GPC5: variants seen among roughly 807,000 people sequenced by gnomAD.
The protein encoded by GPC5 is glypican-5.
A neutral mutation model predicts 53.9 loss-of-function variants in GPC5; 47 were observed. The ratio of observed to expected loss-of-function variants is 0.87; its 90% CI spans 0.69 to 1.11. The LOEUF is 1.11. GPC5 is among the 50% of genes most tolerant of loss of function. The probability of loss-of-function intolerance (pLI) is 0.00; values close to 1 mark genes in which losing one functional copy is unlikely to be tolerated. For synonymous variants in GPC5, 286 were observed against 263.3 expected, an observed-to-expected ratio of 1.09 and a Z score of -0.84; for missense variants, 748 against 713.1, an observed-to-expected ratio of 1.05 and a Z score of -0.56.
intron 7 of GPC5, among the ~76,000 whole-genome samples, chr13:92,709,996 A>G (rs17188613): frequency 0.17 from 26,307 of 152,192 alleles, 2,402 homozygotes; most frequent in Admixed American, 0.2. Context: ...TGGCTCTCCA[A>G]CAATGCTAGG....
At chr13:91,477,785 C>T (rs1373414958) in intron 2 of GPC5, among the ~76,000 whole-genome samples, 2 of 152,142 alleles carry the variant, frequency 1.3e-5, no homozygotes, top group East Asian at 1.9e-4. Context: ...GAAGGAGAGG[C>T]CCAATGCTAT....
chr13:91,938,187 C>A (rs549917476), intron 6 of GPC5, among the ~76,000 whole-genome samples: 2 of 152,090 alleles, frequency 1.3e-5, no homozygotes, highest in African/African-American at 4.8e-5. Context: ...GTTCTGCAAG[C>A]TCTACAGGAA....
At chr13:91,639,037 A>G (rs1486792922) in intron 2 of GPC5, among the ~76,000 whole-genome samples, 1 of 152,242 alleles carries the variant, frequency 6.6e-6, no homozygotes, top group African/African-American at 2.4e-5. Flanking sequence ...GAGCGAGTAT[A>G]TGAAAAACTG....
intron 7 of GPC5, among the ~76,000 whole-genome samples, chr13:92,481,313 A>G (rs951301746): frequency 6.6e-6 from 1 of 152,012 alleles, no homozygotes; most frequent in Admixed American, 6.6e-5. Context: ...TTGTTAGCCA[A>G]GATGGTCTCG....
chr13:92,200,003 T>A (rs2042283107), intron 7 of GPC5, among the ~76,000 whole-genome samples: 1 of 152,196 alleles, frequency 6.6e-6, no homozygotes, highest in Admixed American at 6.5e-5. Flanking sequence ...AAAACACTTA[T>A]ACTTACCTAA....
At chr13:91,456,693 A>C (rs964906331) in intron 2 of GPC5, among the ~76,000 whole-genome samples, 1 of 152,034 alleles carries the variant, frequency 6.6e-6, no homozygotes, top group Non-Finnish European at 1.5e-5. Flanking sequence ...CTTTAAAAAA[A>C]TTTTTACCCC....
At chr13:92,737,866 A>C in intron 7 of GPC5, among the ~76,000 whole-genome samples, 1 of 142,158 alleles carries the variant, frequency 7.0e-6, no homozygotes, top group East Asian at 2.1e-4. Context: ...TCCTGGGTTC[A>C]AGCAATTCTC....
intron 6 of GPC5, among the ~76,000 whole-genome samples, chr13:92,115,333 C>A (rs530381677): frequency 2.0e-5 from 3 of 152,272 alleles, no homozygotes; most frequent in Admixed American, 6.5e-5. Context: ...ATGGAGAAAG[C>A]GCATCTCTAC....
intron 7 of GPC5, among the ~76,000 whole-genome samples, chr13:92,389,756 A>G (rs1217591871): frequency 6.6e-6 from 1 of 152,190 alleles, no homozygotes; most frequent in Non-Finnish European, 1.5e-5. Flanking sequence ...CAGGACAGTC[A>G]GTGAGGCCAT....
intron 5 of GPC5, among the ~76,000 whole-genome samples, chr13:91,769,015 C>CTCTCTCTCTT (rs774888451): frequency 3.7e-5 from 3 of 81,634 alleles, no homozygotes; most frequent in African/African-American, 6.1e-5. Flanking sequence ...ACCAGTCTTT[C>CTCTCTCTCTT]TCTCTCTCTT....
At chr13:91,842,597 G>A (rs1442690857) in intron 5 of GPC5, among the ~76,000 whole-genome samples, 2 of 148,982 alleles carry the variant, frequency 1.3e-5, no homozygotes, top group Non-Finnish European at 3.0e-5. Context: ...AGCTACTTGG[G>A]AGGCTGAGGC....
chr13:91,885,594 T>G (rs1024608004), intron 5 of GPC5, among the ~76,000 whole-genome samples: 2 of 152,182 alleles, frequency 1.3e-5, no homozygotes, highest in African/African-American at 4.8e-5. Flanking sequence ...TCTGCCTGCT[T>G]CTCTGTCATT....
At chr13:92,838,834 T>G (rs1390485901) in intron 7 of GPC5, among the ~76,000 whole-genome samples, 1 of 152,236 alleles carries the variant, frequency 6.6e-6, no homozygotes, top group South Asian at 2.1e-4. Flanking sequence ...ATTCAGCGAT[T>G]ACATTACTCA....
At chr13:92,321,810 T>G (rs1250772215) in intron 7 of GPC5, among the ~76,000 whole-genome samples, 1 of 152,198 alleles carries the variant, frequency 6.6e-6, no homozygotes. Flanking sequence ...ATTTTCTTTC[T>G]TTCAAACATT....
chr13:92,408,330 C>T (rs1173337731), intron 7 of GPC5, among the ~76,000 whole-genome samples: 25 of 152,244 alleles, frequency 1.6e-4, no homozygotes, highest in Non-Finnish European at 2.1e-4. Context: ...TAACAGACTT[C>T]CTTTCTTCTT....
At chr13:92,044,290 A>G (rs915005722) in intron 6 of GPC5, among the ~76,000 whole-genome samples, 6 of 152,196 alleles carry the variant, frequency 3.9e-5, no homozygotes, top group Non-Finnish European at 5.9e-5. Flanking sequence ...TTAAGGAGTA[A>G]AACTAACCCA....
intron 4 of GPC5, among the ~76,000 whole-genome samples, chr13:91,749,512 A>G (rs1043383773): frequency 6.6e-6 from 1 of 152,184 alleles, no homozygotes; most frequent in African/African-American, 2.4e-5. Context: ...TTTTGATATA[A>G]TGATTTATTT....
intron 7 of GPC5, among the ~76,000 whole-genome samples, chr13:92,462,711 T>A (rs1878538078): frequency 6.9e-6 from 1 of 144,548 alleles, no homozygotes; most frequent in Non-Finnish European, 1.5e-5. Context: ...TTGTGTTTTG[T>A]TCATGTCTTT....
intron 5 of GPC5, among the ~76,000 whole-genome samples, chr13:91,812,855 C>G (rs1385306096): frequency 2.6e-5 from 4 of 152,166 alleles, no homozygotes; most frequent in Non-Finnish European, 4.4e-5. Flanking sequence ...AGAAAGCTCT[C>G]GCTTTTTCTA....
Sources: allele counts gnomAD v4.1 joint callset (sites outside exome capture counted in the v4.1 genomes callset), GRCh38; gene constraint gnomAD v4.1.1; transcripts MANE v1.5; gene names NCBI Gene and HGNC (gene_info 2026-07-23, HGNC 2026-07-21).